The following ANKRD30A variants were observed in gnomAD, a reference collection of about 807,000 sequenced individuals.
ANKRD30A encodes ankyrin repeat domain-containing protein 30A.
A neutral mutation model predicts 166.3 loss-of-function variants in ANKRD30A; 170 were observed. That is an observed-to-expected ratio of 1.02 (90% CI 0.90 to 1.16). The LOEUF is 1.16. Ranked by LOEUF, ANKRD30A falls within the 50% of genes most tolerant of loss-of-function variation. ANKRD30A has a pLI of 0.00. For synonymous variants in ANKRD30A, 564 were observed against 508.9 expected (o/e 1.11, Z -1.46); for missense variants, 1,630 against 1,518.0 (o/e 1.07, Z -1.23).
intron 7 of ANKRD30A, among the ~76,000 whole-genome samples, chr10:37,143,659 A>C (rs1588774419): frequency 2.0e-5 from 3 of 149,908 alleles, no homozygotes; most frequent in African/African-American, 7.4e-5. Flanking sequence ...ATCTAAAAAA[A>C]GAAAAAAAAA....
chr10:37,196,360 T>A (rs1394533084), intron 27 of ANKRD30A, among the ~76,000 whole-genome samples: 1 of 152,092 alleles, frequency 6.6e-6, no homozygotes, highest in Admixed American at 6.5e-5. Context: ...TATATATATT[T>A]TGTTGATGTT....
chr10:37,128,512 G>A lies in ANKRD30A; in HGVS notation c.222-1381G>A, dbSNP rs181556724. Among the ~76,000 whole-genome samples the A allele has an allele frequency of 2.2e-3, 337 of 151,690 alleles. 1 individual carries two copies. Among genetic ancestry groups the A allele is most frequent in the African/African-American group, 4.9e-3 (201 of 41,418 alleles). The stretch of plus-strand genomic sequence containing the variant: ...TTATATATAGATTTATTACATATAC[G>A]TCAATAACTACAGATTAATCATTTT... On this transcript the variant is annotated intron_variant, in intron 1 of 35. Transcript: ENST00000361713.
chr10:37,157,252 T>A (rs1838456411), intron 13 of ANKRD30A, among the ~76,000 whole-genome samples: 2 of 152,254 alleles, frequency 1.3e-5, no homozygotes, highest in Admixed American at 1.3e-4. Context: ...GAAACAAAAC[T>A]ATTGTAGGAT....
chr10:37,258,529 A>G, the ANKRD30A span, among the ~76,000 whole-genome samples: 1 of 152,276 alleles, frequency 6.6e-6, no homozygotes, highest in South Asian at 2.1e-4. Flanking sequence ...AATCTTTTCA[A>G]TAAATGTTAG....
At chr10:37,131,598 G>T (rs1836384776) in intron 3 of ANKRD30A, among the ~76,000 whole-genome samples, 1 of 152,142 alleles carries the variant, frequency 6.6e-6, no homozygotes, top group African/African-American at 2.4e-5. Context: ...ATTGATAGAA[G>T]AGAATCAAGC....
At chr10:37,226,354 C>T (rs1028947966) in intron 34 of ANKRD30A, among the ~76,000 whole-genome samples, 4 of 145,956 alleles carry the variant, frequency 2.7e-5, no homozygotes, top group Admixed American at 7.1e-5. Flanking sequence ...TGAGAACATG[C>T]GGCGTTTGGT....
chr10:37,125,647 T>TCGG lies in ANKRD30A; in HGVS notation c.-141_-140insCGG. 8 of 383,974 alleles carry TCGG rather than the reference T, an allele frequency of 2.1e-5. No individual in the cohort carries two copies. Among genetic ancestry groups the TCGG allele is most frequent in the East Asian group, 1.0e-4 (2 of 19,830 alleles). The allele number at this position is 383,974 out of a possible 1,614,324, so 23.8% of individuals were successfully genotyped here. A position where few individuals can be genotyped will look rare whatever the true frequency, so the allele number is the denominator to read the frequency against. ...GAGAGAGGCCTGAGTGTGCAAGAGC[T>TCGG]TGGCGAACACAGAACTTTTTACGGG... On this transcript the variant is annotated 5_prime_UTR_variant, in exon 1 of 36. Transcript: ENST00000361713.
chr10:37,135,404 A>C (rs1836618712), intron 5 of ANKRD30A: 1 of 152,214 alleles, frequency 6.6e-6, no homozygotes, highest in Non-Finnish European at 1.5e-5. Context: ...TGATGTGTCA[A>C]AGCAAAATGT....
At chr10:37,191,622 A>G (rs1280345563) in intron 25 of ANKRD30A, among the ~76,000 whole-genome samples, 3 of 152,032 alleles carry the variant, frequency 2.0e-5, no homozygotes, top group East Asian at 3.9e-4. Flanking sequence ...AAAATCATAT[A>G]TAAATGGTTG....
chr10:37,203,080 T>C (rs1295231827), intron 31 of ANKRD30A, among the ~76,000 whole-genome samples: 1 of 152,158 alleles, frequency 6.6e-6, no homozygotes, highest in East Asian at 1.9e-4. Context: ...ATACCATTCC[T>C]TCTGAAATGA....
chr10:37,261,330 T>C, the ANKRD30A span, among the ~76,000 whole-genome samples: 1 of 152,314 alleles, frequency 6.6e-6, no homozygotes, highest in Admixed American at 6.5e-5. Flanking sequence ...TTCCTCCAAC[T>C]GATAGATTCC....
At chr10:37,227,958 A>G (rs759509242) in intron 34 of ANKRD30A, among the ~76,000 whole-genome samples, 2 of 151,930 alleles carry the variant, frequency 1.3e-5, no homozygotes, top group Non-Finnish European at 2.9e-5. Context: ...TCCTCTTTTG[A>G]CCTGGCACCT....
rs1842733534 is a variant in ANKRD30A, at chr10:37,218,884, C to T, written c.3268-96C>T. ...TGATACCTACTTATAAAAACCCTTT[C>T]ATTGTATAAATGTACAAGTTATTCT... On this transcript the variant is annotated intron_variant, in intron 33 of 35. Coordinates refer to ENST00000361713, the MANE Select transcript of ANKRD30A (RefSeq NM_052997.3). 1.1e-5 allele frequency: 9 copies of T among 828,502 alleles called. No homozygotes were observed. The East Asian group carries it at 1.6e-4, about 15-fold the overall frequency. The allele number at this position is 828,502 out of a possible 1,614,324, so 51.3% of individuals were successfully genotyped here. A position where few individuals can be genotyped will look rare whatever the true frequency, so the allele number is the denominator to read the frequency against.
the ANKRD30A span, among the ~76,000 whole-genome samples, chr10:37,259,414 A>C: frequency 1.3e-5 from 2 of 152,240 alleles, no homozygotes; most frequent in Non-Finnish European, 2.9e-5. Context: ...GTGAAGGTAA[A>C]ATAGCACAAC....
chr10:37,143,308 G>A (rs1417497692), intron 7 of ANKRD30A, among the ~76,000 whole-genome samples: 1 of 152,176 alleles, frequency 6.6e-6, no homozygotes, highest in Non-Finnish European at 1.5e-5. Context: ...GGGCATACTG[G>A]TTATGGTATA....
intron 6 of ANKRD30A, among the ~76,000 whole-genome samples, chr10:37,137,920 A>G (rs997318205): frequency 6.6e-6 from 1 of 152,212 alleles, no homozygotes; most frequent in Non-Finnish European, 1.5e-5. Context: ...GAGAACGGAC[A>G]GACTGCCTCC....
intron 34 of ANKRD30A, among the ~76,000 whole-genome samples, chr10:37,222,142 T>G (rs1842928786): frequency 6.6e-6 from 1 of 151,270 alleles, no homozygotes; most frequent in African/African-American, 2.4e-5. Flanking sequence ...ATTGTACAAC[T>G]CAGCATCTCT....
chr10:37,231,211 T>C (rs774852682), intron 34 of ANKRD30A, among the ~76,000 whole-genome samples: 4 of 151,882 alleles, frequency 2.6e-5, no homozygotes, highest in Non-Finnish European at 5.9e-5. Context: ...CATAGTGAAA[T>C]AGTCATGGCG....
Position 37,136,614 on chromosome 10 carries a change from G to T in ANKRD30A, c.763G>T (p.Glu255Ter), listed in dbSNP as rs565353332. ...AVTCGFHHIH[E>*]QIMEYIRKLS... ...TCACATTTTTATACATAGCATTCAT[G>T]AACAAATTATGGAATATATACGAAA... is the stretch of plus-strand genomic sequence containing the variant. The change falls in exon 6 of 36, where the codon GAA becomes TAA. Residue 255 changes from glutamate to a stop codon, truncating the protein, a stop_gained. Coordinates refer to ENST00000361713, the MANE Select transcript of ANKRD30A (RefSeq NM_052997.3). LOFTEE classifies it high-confidence loss of function. 51 of 1,360,634 alleles carry T rather than the reference G, an allele frequency of 3.7e-5. No individual in the cohort carries two copies. In the South Asian group the frequency reaches 5.9e-4, roughly 16 times the overall value. 84.3% of individuals were successfully genotyped at this position (1,360,634 alleles called of 1,614,324 possible). A position where few individuals can be genotyped will look rare whatever the true frequency, so the allele number is the denominator to read the frequency against.
Sources: allele counts gnomAD v4.1 joint callset (sites outside exome capture counted in the v4.1 genomes callset), GRCh38; gene constraint gnomAD v4.1.1; transcripts MANE v1.5; gene names NCBI Gene and HGNC (gene_info 2026-07-23, HGNC 2026-07-21).